The following ZNF284 variants were observed in gnomAD, a reference collection of about 807,000 sequenced individuals.
ZNF284 encodes zinc finger protein 284.
In ZNF284, 12 loss-of-function variants were observed where a neutral mutation model predicts 12.9. The ratio of observed to expected loss-of-function variants is 0.93; its 90% CI spans 0.60 to 1.51. The LOEUF (loss-of-function observed/expected upper bound fraction) is 1.51, where lower values mean the gene tolerates loss of function less well. ZNF284 is among the 40% of genes most tolerant of loss of function. ZNF284 has a pLI of 0.00. For missense variants in ZNF284, 667 were observed against 707.3 expected (o/e 0.94, Z 0.65); for synonymous variants, 225 against 236.5 (o/e 0.95, Z 0.45).
In ZNF284 at chr19:44,085,564, G is replaced by A. The variant is rs544248855; in HGVS notation, c.236-150G>A. 7.6e-4 allele frequency: 508 copies of A among 669,156 alleles called. 2 individuals are homozygous for A. Among genetic ancestry groups the A allele is most frequent in the East Asian group, 2.9e-3 (106 of 36,778 alleles). 41.5% of individuals were successfully genotyped at this position (669,156 alleles called of 1,614,324 possible). A position where few individuals can be genotyped will look rare whatever the true frequency, so the allele number is the denominator to read the frequency against. ...CATTATGTCATTCAAAATTGGTTTC[G>A]TGACAACGAGAGACCGTGGTGCACT... is the stretch of plus-strand genomic sequence containing the variant. On this transcript the variant is annotated intron_variant, in intron 4 of 4. Transcript: ENST00000421176.
At chr19:44,082,184 C>A in intron 4 of ZNF284, 79 bp downstream of exon 4, 1 of 1,201,270 alleles carries the variant, frequency 8.3e-7, no homozygotes, top group Non-Finnish European at 1.2e-6. Context: ...AACTCCATTG[C>A]CCTGGTATAA....
At chr19:44,081,667 G>A (rs1199835775) in intron 3 of ZNF284, among the ~76,000 whole-genome samples, 1 of 151,940 alleles carries the variant, frequency 6.6e-6, no homozygotes, top group African/African-American at 2.4e-5. Flanking sequence ...AGCCGAGATC[G>A]CATCACTGCA....
At chr19:44,085,674 G>A (rs1363149614) in intron 4 of ZNF284, 40 bp from the exon 5 acceptor site, 1 of 1,519,184 alleles carries the variant, frequency 6.6e-7, no homozygotes, top group East Asian at 2.3e-5. Flanking sequence ...CTGAACAAAG[G>A]TTTCACTTAC....
Position 44,076,370 on chromosome 19 carries a change from T to G in ZNF284, c.-20T>G, listed in dbSNP as rs1042764409. 6 of 1,609,784 alleles carry G rather than the reference T, an allele frequency of 3.7e-6. No individual in the cohort carries two copies. The highest frequency in any genetic ancestry group is 4.2e-6 in the Non-Finnish European group (5 of 1,177,842). ...CTGCATAACTGAGAACTCTGCAAAT[T>G]CCCCAAAGAAGGAGGAAAAATGACC... On this transcript the variant is annotated 5_prime_UTR_variant, in exon 2 of 5. The change creates a new upstream start codon in the 5' untranslated region. Coordinates refer to ENST00000421176, the MANE Select transcript of ZNF284 (RefSeq NM_001037813.4).
chr19:44,082,500 C>T (rs1216729443), intron 4 of ZNF284, among the ~76,000 whole-genome samples: 1 of 152,358 alleles, frequency 6.6e-6, no homozygotes, highest in African/African-American at 2.4e-5. Flanking sequence ...CTGCCAAGGA[C>T]ACTGTATTGC....
rs886728216 is a variant in ZNF284, at chr19:44,085,056, C to T, written c.236-658C>T. The stretch of plus-strand genomic sequence containing the variant: ...CTTTCCCAGCACTAGGAGCCTTTCC[C>T]GGCTTTCAGGTGATCACGGCCAGAA... On this transcript the variant is annotated intron_variant, in intron 4 of 4. Transcript: ENST00000421176. 5.3e-5 allele frequency among the ~76,000 whole-genome samples: 8 copies of T among 152,164 alleles called. 1 individual carries two copies. Among genetic ancestry groups the T allele is most frequent in the African/African-American group, 1.7e-4 (7 of 41,424 alleles).
intron 2 of ZNF284, among the ~76,000 whole-genome samples, chr19:44,077,940 C>G (rs1415483685): frequency 6.6e-6 from 1 of 152,092 alleles, no homozygotes; most frequent in African/African-American, 2.4e-5. Context: ...CTCAGGTGCA[C>G]CTAGTACTCC....
chr19:44,076,055 T>G (rs1967020705), intron 1 of ZNF284, among the ~76,000 whole-genome samples: 1 of 152,078 alleles, frequency 6.6e-6, no homozygotes, highest in African/African-American at 2.4e-5. Flanking sequence ...TAACATAATG[T>G]TTCCAGGGTT....
chr19:44,086,394 T>C lies in ZNF284; in HGVS notation c.916T>C (p.Ser306Pro), dbSNP rs771873636. The change falls in exon 5 of 5, where the codon TCC (serine) becomes CCC (proline). Residue 306 changes from serine (S) to proline (P), a missense_variant. Ser to Pro is a moderately conservative substitution (Grantham distance 74). Coordinates refer to ENST00000421176, the MANE Select transcript of ZNF284 (RefSeq NM_001037813.4). Reference sequence around the variant, plus strand: ...TAGTAGATCAAATCTTAATAGGCATTCCATGGTCCACATGCAAGAGAAATC... The same window carrying C: ...TAGTAGATCAAATCTTAATAGGCATCCCATGGTCCACATGCAAGAGAAATC... ...FHSRSNLNRH[S>P]MVHMQEKSFR... is the part of the protein sequence containing the mutation. The C allele has an allele frequency of 3.0e-5, 49 of 1,613,946 alleles. No homozygotes were observed. The highest frequency in any genetic ancestry group is 5.0e-5 in the Admixed American group (3 of 60,010).
rs1026733391 is a variant in ZNF284, at chr19:44,085,579, C to T, written c.236-135C>T. On this transcript the variant is annotated intron_variant, in intron 4 of 4. Transcript: ENST00000421176. ...AATTGGTTTCGTGACAACGAGAGAC[C>T]GTGGTGCACTTGGAAAACACAAACT... 9.3e-6 allele frequency: 7 copies of T among 749,012 alleles called. 1 individual carries two copies. The highest frequency in any genetic ancestry group is 8.0e-5 in the South Asian group (4 of 49,704). 46.4% of individuals were successfully genotyped at this position (749,012 alleles called of 1,614,324 possible).
Position 44,087,128 on chromosome 19 carries a change from C to T in ZNF284, c.1650C>T (p.His550=), listed in dbSNP as rs976984906. 6.2e-7 allele frequency: 1 copy of T among 1,614,098 alleles called. No individual in the cohort carries two copies. The highest frequency in any genetic ancestry group is 1.7e-5 in the Admixed American group (1 of 60,020). The change falls in exon 5 of 5, where the codon CAC becomes CAT. Residue 550 remains histidine (H), a synonymous_variant. Coordinates refer to ENST00000421176, the MANE Select transcript of ZNF284 (RefSeq NM_001037813.4). ...QCEDCGKSSE[H]SSCLQDQQSD... ...AGGATTGTGGGAAGAGCAGTGAGCA[C>T]AGTTCATGCCTTCAAGACCAACAAA... is the stretch of plus-strand genomic sequence containing the variant.
At position 44,086,653 on chromosome 19, in the gene ZNF284, T is replaced by C; in HGVS notation, c.1175T>C (p.Val392Ala). The change falls in exon 5 of 5, where the codon GTC (valine) becomes GCC (alanine). Residue 392 changes from valine to alanine, a missense_variant. By Grantham distance (64) the Val-to-Ala change is moderately conservative. Coordinates refer to ENST00000421176, the MANE Select transcript of ZNF284 (RefSeq NM_001037813.4). Reference protein sequence around the residue: ...WSSCLSRHQRVHNGETTFKCD... With the variant: ...WSSCLSRHQRAHNGETTFKCD... The stretch of plus-strand genomic sequence containing the variant: ...TCATGTCTTTCAAGACATCAGCGGG[T>C]CCACAATGGAGAAACAACATTCAAG... 6 of 1,614,036 alleles carry C rather than the reference T, an allele frequency of 3.7e-6. No individual in the cohort carries two copies. Among genetic ancestry groups the C allele is most frequent in the Non-Finnish European group, 5.1e-6 (6 of 1,179,990 alleles).
chr19:44,084,425 A>G (rs1456062314), intron 4 of ZNF284, among the ~76,000 whole-genome samples: 1 of 152,000 alleles, frequency 6.6e-6, no homozygotes, highest in Non-Finnish European at 1.5e-5. Context: ...TGCCTTTAGG[A>G]GGTGTGCTTG....
chr19:44,086,649 C>T lies in ZNF284; in HGVS notation c.1171C>T (p.Arg391Trp), dbSNP rs370530079. Residue 391 changes from arginine to tryptophan, a missense_variant, in exon 5 of 5, where the codon CGG (arginine) becomes TGG (tryptophan). By Grantham distance (101) the Arg-to-Trp change is moderately radical. Coordinates refer to ENST00000421176, the MANE Select transcript of ZNF284 (RefSeq NM_001037813.4). The part of the protein sequence containing the change: ...RWSSCLSRHQ[R>W]VHNGETTFKC... ...GTCCTCATGTCTTTCAAGACATCAG[C>T]GGGTCCACAATGGAGAAACAACATT... 14 of 1,613,660 alleles carry T rather than the reference C, an allele frequency of 8.7e-6. No homozygotes were observed. Among genetic ancestry groups the T allele is most frequent in the Admixed American group, 8.3e-5 (5 of 59,972 alleles).
Position 44,085,744 on chromosome 19 carries a change from T to C in ZNF284, c.266T>C (p.Val89Ala). ...GGKIQTELES[V>A]PETGPHEEWS... ...AAGATCCAAACTGAGTTGGAGTCTG[T>C]TCCAGAAACAGGACCACATGAAGAG... The change falls in exon 5 of 5, where the codon GTT (valine) becomes GCT (alanine). Residue 89 changes from valine to alanine, a missense_variant. By Grantham distance (64) the Val-to-Ala change is moderately conservative. Transcript: ENST00000421176. 1 of 1,613,726 alleles carries C rather than the reference T, an allele frequency of 6.2e-7. No homozygotes were observed. Among genetic ancestry groups the C allele is most frequent in the Non-Finnish European group, 8.5e-7 (1 of 1,179,746 alleles).
intron 2 of ZNF284, 85 bp downstream of exon 2, chr19:44,076,489 T>G (rs1967029727): frequency 6.9e-7 from 1 of 1,449,008 alleles, no homozygotes; most frequent in Non-Finnish European, 9.5e-7. Flanking sequence ...TTGGGAAGAC[T>G]CAAGGAGAAC....
At position 44,086,822 on chromosome 19, in the gene ZNF284, C is replaced by T; in HGVS notation, c.1344C>T (p.Val448=). Residue 448 remains valine, a synonymous_variant, in exon 5 of 5, where the codon GTC becomes GTT. Coordinates refer to ENST00000421176, the MANE Select transcript of ZNF284 (RefSeq NM_001037813.4). Reference sequence around the variant, plus strand: ...TTAATCTTGACTTGCACCAGAGGGTCCACACGGGAGAGAGACCTTATAATT... The same window carrying T: ...TTAATCTTGACTTGCACCAGAGGGTTCACACGGGAGAGAGACCTTATAATT... The part of the protein sequence containing the change: ...SKFNLDLHQR[V]HTGERPYNCK... 2 of 1,614,050 alleles carry T rather than the reference C, an allele frequency of 1.2e-6. No homozygotes were observed. Among genetic ancestry groups the T allele is most frequent in the Non-Finnish European group, 1.7e-6 (2 of 1,180,020 alleles).
At position 44,086,121 on chromosome 19, in the gene ZNF284, A is replaced by C; in HGVS notation, c.643A>C (p.Asn215His). 1 of 1,614,260 alleles carries C rather than the reference A, an allele frequency of 6.2e-7. No individual in the cohort carries two copies. The highest frequency in any genetic ancestry group is 8.5e-7 in the Non-Finnish European group (1 of 1,180,034). The change falls in exon 5 of 5, where the codon AAC becomes CAC. Residue 215 changes from asparagine to histidine, a missense_variant. Physicochemically the swap from Asn to His is moderately conservative, Grantham distance 68 (BLOSUM62 1). Transcript: ENST00000421176. ...CDVCSKAFSQNSQLQTHQRIH... is the reference protein window; with the variant it reads ...CDVCSKAFSQHSQLQTHQRIH... ...TGTGTGTAGTAAGGCATTTAGTCAG[A>C]ACTCACAACTGCAAACTCATCAGAG...
chr19:44,074,545 GC>G (rs1012812098), intron 1 of ZNF284, among the ~76,000 whole-genome samples: 17 of 152,132 alleles, frequency 1.1e-4, no homozygotes, highest in African/African-American at 4.1e-4. Flanking sequence ...CATACCTGTA[GC>G]CAGAGACAGT....
Sources: gnomAD v4.1 joint callset for allele counts (sites outside exome capture counted in the v4.1 genomes callset) on GRCh38, gnomAD v4.1.1 for gene constraint, MANE v1.5 for transcripts, NCBI Gene and HGNC (gene_info 2026-07-23, HGNC 2026-07-21) for gene names.